The following EML5 variants were observed in gnomAD, a reference collection of about 807,000 sequenced individuals.
EML5 encodes EMAP like 5, also known as echinoderm microtubule-associated protein-like 5.
EML5 carries 120 observed loss-of-function variants against 250.0 expected under a neutral mutation model. The observed-to-expected ratio is 0.48, with a 90% CI of 0.41 to 0.56. EML5 has a LOEUF of 0.56. Among genes scored for constraint, EML5 ranks in the 20% least tolerant of loss-of-function variants. The probability of loss-of-function intolerance (pLI) is 0.00; values close to 1 mark genes in which losing one functional copy is unlikely to be tolerated. For missense variants in EML5, 2,006 were observed against 2,437.6 expected, an observed-to-expected ratio of 0.82 and a Z score of 3.73; for synonymous variants, 771 against 806.5, an observed-to-expected ratio of 0.96 and a Z score of 0.75.
At chr14:88,618,040 C>A in intron 41 of EML5, 188 bp downstream of exon 41, 3 of 382,684 alleles carry the variant, frequency 7.8e-6, no homozygotes, top group East Asian at 4.0e-5. Flanking sequence ...ATCATGGAAA[C>A]TGATAAAACA....
At chr14:88,784,328 C>A (rs2094528421) in intron 1 of EML5, among the ~76,000 whole-genome samples, 1 of 145,234 alleles carries the variant, frequency 6.9e-6, no homozygotes. Flanking sequence ...TTTAAAAAAC[C>A]AATACAAAAT....
chr14:88,681,891 CT>C lies in EML5; in HGVS notation c.3122del (p.Lys1041ArgfsTer15). 4 of 1,604,488 alleles carry C rather than the reference CT, an allele frequency of 2.5e-6. No homozygotes were observed. The highest frequency in any genetic ancestry group is 1.7e-5 in the Admixed American group (1 of 58,114). Reference sequence around the variant, plus strand: ...CGTTCAAGTGTGAGAGCCTCTTACCCTTTTTCAGCTTCCGGACAGCCAACAT... The same window carrying C: ...CGTTCAAGTGTGAGAGCCTCTTACCCTTTTCAGCTTCCGGACAGCCAACAT... The part of the protein sequence containing the change: ...HCMLAVRKLK[K>X]GGRCCCFSPD... On this transcript the variant is annotated frameshift_variant and splice_region_variant, in exon 21 of 44. Transcript: ENST00000554922. LOFTEE classifies it high-confidence loss of function.
chr14:88,768,732 T>C (rs2094353251), intron 1 of EML5, among the ~76,000 whole-genome samples: 1 of 152,182 alleles, frequency 6.6e-6, no homozygotes, highest in Non-Finnish European at 1.5e-5. Context: ...TTCTCTTTTT[T>C]CTCTCTTTTC....
chr14:88,670,257 T>C (rs1595456961), intron 21 of EML5, among the ~76,000 whole-genome samples: 1 of 144,836 alleles, frequency 6.9e-6, no homozygotes, highest in Non-Finnish European at 1.5e-5. Flanking sequence ...GAAGTGGAGG[T>C]TGCAGTGGGC....
chr14:88,747,788 G>A (rs2094028804), intron 2 of EML5, among the ~76,000 whole-genome samples: 1 of 152,148 alleles, frequency 6.6e-6, no homozygotes, highest in South Asian at 2.1e-4. Flanking sequence ...GTTGAAAACA[G>A]AAGTGGACAG....
chr14:88,752,903 C>T (rs1190586838), intron 2 of EML5, among the ~76,000 whole-genome samples: 1 of 152,120 alleles, frequency 6.6e-6, no homozygotes, highest in East Asian at 1.9e-4. Flanking sequence ...CACTCCATCC[C>T]CTCTCCAGTT....
intron 1 of EML5, among the ~76,000 whole-genome samples, chr14:88,755,180 A>G (rs985114741): frequency 1.3e-5 from 2 of 152,214 alleles, no homozygotes; most frequent in African/African-American, 4.8e-5. Context: ...TATGTGATAA[A>G]CAGTTAATGA....
chr14:88,684,432 A>G (rs1359384821), intron 20 of EML5, among the ~76,000 whole-genome samples: 1 of 143,698 alleles, frequency 7.0e-6, no homozygotes, highest in Non-Finnish European at 1.5e-5. Context: ...GGCCTCCCAA[A>G]GTGCTGGGAT....
In EML5 at chr14:88,704,966, C is replaced by A. The variant is rs2093288808; in HGVS notation, c.1945G>T (p.Asp649Tyr). 1.9e-6 allele frequency: 3 copies of A among 1,610,102 alleles called. No homozygotes were observed. The highest frequency in any genetic ancestry group is 2.2e-5 in the East Asian group (1 of 44,752). ...CACTGTTCTTTAAGCTGAGGTAGAT[C>A]TTCTTTGTAAACCTTTAAAAATGTA... ...LTYRRQVYKE[D>Y]LPQLKEQCKE... Residue 649 changes from aspartate (D) to tyrosine (Y), a missense_variant, in exon 13 of 44, where the codon GAT becomes TAT. By Grantham distance (160) the Asp-to-Tyr change is radical. Around this residue, in one of 7 missense-constraint regions of EML5, gnomAD observed 1,375 missense variants for 1,590.3 expected, o/e 0.86. Coordinates refer to ENST00000554922, the MANE Select transcript of EML5 (RefSeq NM_183387.3).
At chr14:88,725,268 C>A (rs889062096) in intron 8 of EML5, among the ~76,000 whole-genome samples, 2 of 151,938 alleles carry the variant, frequency 1.3e-5, no homozygotes, top group Non-Finnish European at 2.9e-5. Context: ...TACTTAATGG[C>A]ACTGAATTTT....
At chr14:88,685,206 T>G (rs1227381080) in intron 19 of EML5, 64 bp from the exon 20 acceptor site, 1 of 1,357,390 alleles carries the variant, frequency 7.4e-7, no homozygotes, top group African/African-American at 1.5e-5. Context: ...AGTGTATATA[T>G]TGCCAATTAA....
intron 17 of EML5, among the ~76,000 whole-genome samples, chr14:88,693,345 T>C (rs531603345): frequency 4.1e-4 from 62 of 152,348 alleles, no homozygotes; most frequent in Admixed American, 1.1e-3. Flanking sequence ...CAATCATGGC[T>C]GAAGGTGAAT....
chr14:88,752,744 C>T (rs761071396), intron 2 of EML5, among the ~76,000 whole-genome samples: 1 of 152,170 alleles, frequency 6.6e-6, no homozygotes, highest in Non-Finnish European at 1.5e-5. Context: ...GCCAAAATCA[C>T]TCTGGCCCAC....
Position 88,626,999 on chromosome 14 carries a change from C to A in EML5, c.4579G>T (p.Ala1527Ser). The A allele has an allele frequency of 1.9e-6, 3 of 1,613,834 alleles. No homozygotes were observed. The highest frequency in any genetic ancestry group is 1.1e-5 in the South Asian group (1 of 91,052). Residue 1527 changes from alanine (A) to serine (S), a missense_variant, in exon 35 of 44, where the codon GCA (alanine) becomes TCA (serine). By Grantham distance (99) the Ala-to-Ser change is moderately conservative. This residue lies in a region of EML5 where 405 missense variants were observed against 523.3 expected (regional missense o/e 0.77). Transcript: ENST00000554922. ...GTATCTGAATCTGGTCGGAATTCTG[C>A]CACAAAAATACGTTGATTGTGACCA... is the stretch of plus-strand genomic sequence containing the variant. ...RAGHNQRIFVAEFRPDSDTQF... is the reference protein window; with the variant it reads ...RAGHNQRIFVSEFRPDSDTQF...
rs373043518 is a variant in EML5, at chr14:88,720,493, C to T, written c.1188-5298G>A. The stretch of plus-strand genomic sequence containing the variant: ...GGTTCAACCAATGCAAATCAATAAA[C>T]GTAATTCATCACATAAGATCTAAAA... On this transcript the variant is annotated intron_variant, in intron 8 of 43. Coordinates refer to ENST00000554922, the MANE Select transcript of EML5 (RefSeq NM_183387.3). Among the ~76,000 whole-genome samples the T allele has an allele frequency of 4.2e-3, 644 of 152,154 alleles. 4 individuals are homozygous for T. The highest frequency in any genetic ancestry group is 0.031 in the South Asian group (150 of 4,810).
chr14:88,670,319 CAAA>C (rs34008480), intron 21 of EML5, among the ~76,000 whole-genome samples: 2 of 81,204 alleles, frequency 2.5e-5, no homozygotes, highest in Non-Finnish European at 5.2e-5. Flanking sequence ...GACTCCATCT[CAAA>C]AAAAAAAAAA....
In EML5 at chr14:88,664,476, G is replaced by T; in HGVS notation, c.3409+17C>A. 1 of 1,573,982 alleles carries T rather than the reference G, an allele frequency of 6.4e-7. No individual in the cohort carries two copies. Among genetic ancestry groups the T allele is most frequent in the Non-Finnish European group, 8.6e-7 (1 of 1,166,610 alleles). On this transcript the variant is annotated intron_variant, in intron 23 of 43. Coordinates refer to ENST00000554922, the MANE Select transcript of EML5 (RefSeq NM_183387.3). ...AAATGAAACTTTTATCAAGTATTAA[G>T]TTATTTAAAGTCTTACCTCTAATAT...
rs1039658342 is a variant in EML5, at chr14:88,715,030, A to G, written c.1353T>C (p.Leu451=). The stretch of plus-strand genomic sequence containing the variant: ...ACCAGTCCAGATGAGTGATGAAACT[A>G]AGGGATCCCAAACACTCGCCAACTT... ...YKKVGECLGS[L]SFITHLDWSS... is the part of the protein sequence containing the mutation. The change falls in exon 9 of 44, where the codon CTT becomes CTC. Residue 451 remains leucine (L), a synonymous_variant. Transcript: ENST00000554922. The G allele has an allele frequency of 6.2e-7, 1 of 1,613,676 alleles. No individual in the cohort carries two copies. The highest frequency in any genetic ancestry group is 8.5e-7 in the Non-Finnish European group (1 of 1,179,776).
chr14:88,628,519 TTTC>T (rs1464814486), intron 33 of EML5, among the ~76,000 whole-genome samples: 4 of 152,114 alleles, frequency 2.6e-5, no homozygotes, highest in African/African-American at 7.2e-5. Flanking sequence ...AGTTTTATAT[TTTC>T]TTTTTTATGA....
Sources: allele counts gnomAD v4.1 joint callset (sites outside exome capture counted in the v4.1 genomes callset), GRCh38; gene constraint gnomAD v4.1.1; regional missense constraint gnomAD v4.1.1; transcripts MANE v1.5; gene names NCBI Gene and HGNC (gene_info 2026-07-23, HGNC 2026-07-21).